BTBD1: variants seen among roughly 807,000 people sequenced by gnomAD.
The protein encoded by BTBD1 is BTB/POZ domain-containing protein 1.
A neutral mutation model predicts 48.0 loss-of-function variants in BTBD1; 34 were observed. That is an observed-to-expected ratio of 0.71 (90% CI 0.54 to 0.94). BTBD1 has a LOEUF of 0.94. Among genes scored for constraint, BTBD1 ranks in the 40% least tolerant of loss-of-function variants. The pLI, the probability that BTBD1 is intolerant of heterozygous loss-of-function variation, is 0.00. For missense variants in BTBD1, 543 were observed against 625.6 expected (o/e 0.87, Z 1.41); for synonymous variants, 261 against 242.1 (o/e 1.08, Z -0.72).
chr15:83,019,443 G>A (rs1231965371), intron 6 of BTBD1, among the ~76,000 whole-genome samples: 8 of 151,502 alleles, frequency 5.3e-5, no homozygotes, highest in Admixed American at 1.3e-4. Context: ...CTTCCACATC[G>A]GCCTCCCAAA....
At chr15:83,030,434 AGGGG>A in intron 4 of BTBD1, 106 bp from the exon 5 acceptor site, 5 of 905,444 alleles carry the variant, frequency 5.5e-6, no homozygotes, top group Non-Finnish European at 6.8e-6. Flanking sequence ...ACATAAAAAT[AGGGG>A]AAAAAAATCT....
intron 1 of BTBD1, among the ~76,000 whole-genome samples, chr15:83,062,034 T>C (rs1567114204): frequency 2.6e-5 from 4 of 152,060 alleles, no homozygotes; most frequent in Admixed American, 1.3e-4. Flanking sequence ...AGTACAAAGG[T>C]AAGGAGGCCT....
At chr15:83,038,050 C>A (rs2032665441) in intron 4 of BTBD1, among the ~76,000 whole-genome samples, 1 of 152,208 alleles carries the variant, frequency 6.6e-6, no homozygotes, top group Non-Finnish European at 1.5e-5. Flanking sequence ...TGCCAGTGCA[C>A]TCCAGCCTAG....
At chr15:83,064,522 T>A (rs1382268165) in intron 1 of BTBD1, among the ~76,000 whole-genome samples, 1 of 152,204 alleles carries the variant, frequency 6.6e-6, no homozygotes, top group Non-Finnish European at 1.5e-5. Flanking sequence ...TATTAAAATA[T>A]GTATTTTTCC....
Position 83,020,688 on chromosome 15 carries a change from T to G in BTBD1, c.1130A>C (p.Gln377Pro), listed in dbSNP as rs2032276569. The change falls in exon 6 of 8, where the codon CAA (glutamine) becomes CCA (proline). Residue 377 changes from glutamine to proline, a missense_variant. This residue lies in a region of BTBD1 where 300 missense variants were observed against 350.0 expected (regional missense o/e 0.86). Coordinates refer to ENST00000261721, the MANE Select transcript of BTBD1 (RefSeq NM_025238.4). ...YGSIHGPTDY[Q>P]VNIQIIEYEK... ...AGGAAACTGTACCTGTATATTCACT[T>G]GATAATCTGTAGGGCCATGAATAGA... 9 of 1,592,776 alleles carry G rather than the reference T, an allele frequency of 5.7e-6. No homozygotes were observed. The highest frequency in any genetic ancestry group is 7.7e-6 in the Non-Finnish European group (9 of 1,161,662).
intron 1 of BTBD1, among the ~76,000 whole-genome samples, chr15:83,059,127 A>T (rs1361038728): frequency 6.6e-6 from 1 of 152,244 alleles, no homozygotes; most frequent in Non-Finnish European, 1.5e-5. Context: ...GGATCTCATC[A>T]GGATTTTTTT....
chr15:83,045,922 G>A (rs2032869198), intron 3 of BTBD1, among the ~76,000 whole-genome samples: 1 of 151,806 alleles, frequency 6.6e-6, no homozygotes, highest in Non-Finnish European at 1.5e-5. Context: ...AATTCATTTT[G>A]TTCTATCAAC....
At chr15:83,060,412 T>C (rs2033157222) in intron 1 of BTBD1, among the ~76,000 whole-genome samples, 2 of 151,350 alleles carry the variant, frequency 1.3e-5, no homozygotes, top group Admixed American at 1.3e-4. Context: ...AGAAAAATTA[T>C]TACATGTCCT....
At chr15:83,056,594 T>C (rs1257796663) in intron 1 of BTBD1, 49 bp from the exon 2 acceptor site, 3 of 1,486,560 alleles carry the variant, frequency 2.0e-6, no homozygotes, top group Admixed American at 1.7e-5. Flanking sequence ...ATGTTTTAGA[T>C]AAGCAATCCA....
intron 1 of BTBD1, among the ~76,000 whole-genome samples, chr15:83,059,737 T>C (rs1159627741): frequency 1.3e-5 from 2 of 152,190 alleles, no homozygotes; most frequent in Non-Finnish European, 2.9e-5. Flanking sequence ...CACATGCCAC[T>C]AGGCTCAGCT....
intron 3 of BTBD1, chr15:83,044,658 G>C: frequency 6.6e-7 from 1 of 1,522,924 alleles, no homozygotes; most frequent in South Asian, 1.1e-5. Flanking sequence ...TCAGCATCAG[G>C]AGTGGGATGG....
At chr15:83,020,988 C>T (rs962766942) in intron 5 of BTBD1, among the ~76,000 whole-genome samples, 5 of 152,148 alleles carry the variant, frequency 3.3e-5, no homozygotes, top group African/African-American at 1.2e-4. Flanking sequence ...AGAATTTAAC[C>T]TAAATACCCA....
At chr15:83,038,500 A>G (rs940924356) in intron 4 of BTBD1, among the ~76,000 whole-genome samples, 1 of 152,180 alleles carries the variant, frequency 6.6e-6, no homozygotes, top group Admixed American at 6.5e-5. Flanking sequence ...ATTTAATGCT[A>G]TTTCTATCAA....
At chr15:83,044,657 G>C in intron 3 of BTBD1, 1 of 1,523,262 alleles carries the variant, frequency 6.6e-7, no homozygotes. Context: ...TTCAGCATCA[G>C]GAGTGGGATG....
At chr15:83,057,767 T>G (rs2033112505) in intron 1 of BTBD1, among the ~76,000 whole-genome samples, 1 of 152,262 alleles carries the variant, frequency 6.6e-6, no homozygotes, top group Non-Finnish European at 1.5e-5. Flanking sequence ...TCATTCACGT[T>G]CTGCTTTTCC....
intron 2 of BTBD1, among the ~76,000 whole-genome samples, chr15:83,051,904 A>ACACACACACACACACACACAC (rs61375537): frequency 2.0e-5 from 3 of 149,880 alleles, no homozygotes; most frequent in African/African-American, 4.9e-5. Flanking sequence ...ACACACACAC[A>ACACACACACACACACACACAC]TCTATCTGGG....
chr15:83,025,560 C>A (rs1489916148), intron 5 of BTBD1, among the ~76,000 whole-genome samples: 1 of 151,812 alleles, frequency 6.6e-6, no homozygotes, highest in Admixed American at 6.6e-5. Flanking sequence ...TTTAATCCTA[C>A]TACTTAATAT....
intron 6 of BTBD1, among the ~76,000 whole-genome samples, chr15:83,019,400 A>T (rs1013060044): frequency 6.6e-6 from 1 of 151,514 alleles, no homozygotes; most frequent in Admixed American, 6.6e-5. Context: ...TCTGTTGCCC[A>T]GGCTGGTCTG....
intron 4 of BTBD1, among the ~76,000 whole-genome samples, chr15:83,033,209 A>C (rs1320716749): frequency 6.6e-6 from 1 of 152,016 alleles, no homozygotes; most frequent in African/African-American, 2.4e-5. Flanking sequence ...GCAGGGCCCC[A>C]TCTCTTTTTT....
Sources: gnomAD v4.1 joint callset for allele counts (sites outside exome capture counted in the v4.1 genomes callset) on GRCh38, gnomAD v4.1.1 for gene constraint, gnomAD v4.1.1 regional missense constraint, MANE v1.5 for transcripts, NCBI Gene and HGNC (gene_info 2026-07-23, HGNC 2026-07-21) for gene names.